The following DPP6 variants were observed in gnomAD, a reference collection of about 807,000 sequenced individuals.
DPP6 encodes the protein dipeptidyl peptidase like 6, also known as A-type potassium channel modulatory protein DPP6.
DPP6 carries 69 observed loss-of-function variants against 122.6 expected under a neutral mutation model. The observed-to-expected ratio is 0.56, with a 90% CI of 0.46 to 0.69. The LOEUF (loss-of-function observed/expected upper bound fraction) is 0.69. DPP6 is among the 30% of genes least tolerant of loss of function. DPP6 has a pLI of 0.00. For missense variants in DPP6, 928 were observed against 1,116.9 expected, an observed-to-expected ratio of 0.83 and a Z score of 2.41; for synonymous variants, 418 against 433.1, an observed-to-expected ratio of 0.97 and a Z score of 0.43.
At chr7:153,819,093 T>A in the DPP6 span, among the ~76,000 whole-genome samples, 3 of 137,812 alleles carry the variant, frequency 2.2e-5, no homozygotes, top group Non-Finnish European at 4.6e-5. Flanking sequence ...TTTTTTTTTT[T>A]AACTTTTAAG....
rs1418515561 is a variant in DPP6 at position 154,052,671 on chromosome 7, C to T, written c.-150C>T. The T allele has an allele frequency of 7.8e-5, 94 of 1,211,954 alleles. 1 individual carries two copies. Among genetic ancestry groups the T allele is most frequent in the Admixed American group, 1.1e-4 (3 of 27,574 alleles). The allele number at this position is 1,211,954 out of a possible 1,614,324, so 75.1% of individuals were successfully genotyped here. A position where few individuals can be genotyped will look rare whatever the true frequency, so the allele number is the denominator to read the frequency against. The stretch of plus-strand genomic sequence containing the variant: ...AGTGGCGCGCGGGAGGAGCGGCCGC[C>T]GGCGCTGGGCTTGCCTTGCTGCTGC... On this transcript the variant is annotated 5_prime_UTR_variant, in exon 1 of 26. Coordinates refer to ENST00000377770, the MANE Select transcript of DPP6 (RefSeq NM_130797.4). The surrounding 1 kb of genome is among the most constrained non-coding windows in gnomAD (Gnocchi z 4.8).
At chr7:154,410,105 T>A (rs1221704476) in intron 1 of DPP6, among the ~76,000 whole-genome samples, 4 of 152,252 alleles carry the variant, frequency 2.6e-5, no homozygotes, top group African/African-American at 9.6e-5. Flanking sequence ...GTAGTGCCTG[T>A]CTCTTTGCAA....
intron 4 of DPP6, among the ~76,000 whole-genome samples, chr7:154,560,836 T>C (rs143895870): frequency 0.01 from 1,540 of 148,652 alleles, 27 homozygotes; most frequent in African/African-American, 0.035. Flanking sequence ...TGAACTGAGA[T>C]CATGCCACTG....
intron 1 of DPP6, among the ~76,000 whole-genome samples, chr7:154,090,985 G>T (rs1297877265): frequency 6.6e-6 from 1 of 151,202 alleles, no homozygotes; most frequent in South Asian, 2.1e-4. Flanking sequence ...GCCAGGCGTG[G>T]TGGCGGGTGC....
chr7:154,258,973 A>G (rs1802830130), intron 1 of DPP6, among the ~76,000 whole-genome samples: 1 of 147,484 alleles, frequency 6.8e-6, no homozygotes, highest in Admixed American at 6.8e-5. Flanking sequence ...TCGGAGGAGT[A>G]AGAGCTGAAA....
intron 1 of DPP6, among the ~76,000 whole-genome samples, chr7:154,002,693 T>C (rs1278498808): frequency 2.6e-5 from 4 of 152,068 alleles, no homozygotes; most frequent in Non-Finnish European, 5.9e-5. Context: ...GATGCTGAGG[T>C]CAGTCCATGA....
chr7:154,855,932 A>C (rs1802795524), intron 17 of DPP6, among the ~76,000 whole-genome samples: 1 of 152,216 alleles, frequency 6.6e-6, no homozygotes, highest in East Asian at 1.9e-4. Context: ...TTGAAAATTG[A>C]TGGTCTGGTA....
chr7:153,754,566 T>C, the DPP6 span, among the ~76,000 whole-genome samples: 1 of 152,240 alleles, frequency 6.6e-6, no homozygotes, highest in Non-Finnish European at 1.5e-5. Flanking sequence ...AAGATCACCT[T>C]GAATCTTTAA....
At chr7:153,791,420 C>CTTTTTTTTTTT in the DPP6 span, among the ~76,000 whole-genome samples, 5 of 24,240 alleles carry the variant, frequency 2.1e-4, no homozygotes, top group African/African-American at 6.1e-4. Context: ...TCCTTCCTTC[C>CTTTTTTTTTTT]TTTCTTTTTT....
At chr7:153,884,134 A>G (rs558995730), upstream of DPP6, among the ~76,000 whole-genome samples, 13 of 152,060 alleles carry the variant, frequency 8.5e-5, no homozygotes, top group Non-Finnish European at 1.6e-4. Flanking sequence ...TACATTAGGT[A>G]TATCTCCTAA....
chr7:154,282,972 C>T lies in DPP6; in HGVS notation c.244-163242C>T, dbSNP rs1275693262. On this transcript the variant is annotated intron_variant, in intron 1 of 25. Coordinates refer to ENST00000377770, the MANE Select transcript of DPP6 (RefSeq NM_130797.4). The surrounding 1 kb of genome is among the most constrained non-coding windows in gnomAD (Gnocchi z 4.8). ...GACTCAAGGGCATCAGACATCAGAA[C>T]ACGTCTCTCTCTGGACTCAGGGACA... Among the ~76,000 whole-genome samples the T allele has an allele frequency of 6.6e-6, 1 of 152,144 alleles. No homozygotes were observed.
chr7:154,392,205 G>A (rs867127125), intron 1 of DPP6, among the ~76,000 whole-genome samples: 3 of 152,208 alleles, frequency 2.0e-5, no homozygotes, highest in Admixed American at 1.3e-4. Flanking sequence ...CCTGGGAGGC[G>A]GAGGTTGCAG....
At chr7:153,781,567 A>C in the DPP6 span, among the ~76,000 whole-genome samples, 2,830 of 152,244 alleles carry the variant, frequency 0.019, 23 homozygotes, top group African/African-American at 0.036. Context: ...ATAGGAGAAT[A>C]GTTTTCCCTG....
chr7:154,401,267 A>C (rs965207637), intron 1 of DPP6, among the ~76,000 whole-genome samples: 1 of 152,168 alleles, frequency 6.6e-6, no homozygotes, highest in Admixed American at 6.5e-5. Flanking sequence ...CAGTACACCA[A>C]ATTTACTGTG....
chr7:154,199,515 G>A (rs937274234), intron 1 of DPP6, among the ~76,000 whole-genome samples: 7 of 152,046 alleles, frequency 4.6e-5, no homozygotes, highest in Admixed American at 1.3e-4. Context: ...TTATTTGCCC[G>A]TCCTTTAGAT....
the DPP6 span, among the ~76,000 whole-genome samples, chr7:153,800,119 C>T: frequency 2.6e-5 from 4 of 152,214 alleles, no homozygotes; most frequent in Non-Finnish European, 4.4e-5. Context: ...GATATCTGCA[C>T]ACCCATTTTA....
At chr7:154,588,257 T>G in intron 5 of DPP6, 1 of 1,174,836 alleles carries the variant, frequency 8.5e-7, no homozygotes, top group Non-Finnish European at 1.2e-6. Flanking sequence ...TCAAATGGCC[T>G]GTTCTCAGAG....
chr7:153,857,009 C>A, the DPP6 span, among the ~76,000 whole-genome samples: 1 of 152,036 alleles, frequency 6.6e-6, no homozygotes, highest in Admixed American at 6.6e-5. Context: ...GATTTCCTAT[C>A]GCCTCTAATT....
At chr7:154,221,979 C>T (rs1030330964) in intron 1 of DPP6, among the ~76,000 whole-genome samples, 1 of 152,020 alleles carries the variant, frequency 6.6e-6, no homozygotes, top group African/African-American at 2.4e-5. Flanking sequence ...AGACTCCTTA[C>T]TCTGCTTGAT....
Sources: gnomAD v4.1 joint callset for allele counts (sites outside exome capture counted in the v4.1 genomes callset) on GRCh38, gnomAD v4.1.1 for gene constraint, Gnocchi (gnomAD v3.1) non-coding constraint, MANE v1.5 for transcripts, NCBI Gene and HGNC (gene_info 2026-07-23, HGNC 2026-07-21) for gene names.